Variants in OPCML observed in about 807,000 individuals in gnomAD.
OPCML encodes opioid binding protein/cell adhesion molecule like.
Under a neutral mutation model 37.8 loss-of-function variants are expected in OPCML, and 13 were observed. That is an observed-to-expected ratio of 0.34 (90% confidence interval 0.22 to 0.55). The LOEUF is 0.55. OPCML is among the 20% of genes least tolerant of loss of function. The pLI is 0.91. For synonymous variants in OPCML, 176 were observed against 168.8 expected (o/e 1.04, Z -0.33); for missense variants, 341 against 435.6 (o/e 0.78, Z 1.93).
At chr11:132,755,716 G>A (rs141972407) in intron 2 of OPCML, among the ~76,000 whole-genome samples, 3 of 152,256 alleles carry the variant, frequency 2.0e-5, no homozygotes, top group Admixed American at 6.5e-5. Flanking sequence ...CTTTGCTATA[G>A]CTCACACAGT....
chr11:132,581,887 T>G (rs1034669881), intron 3 of OPCML, among the ~76,000 whole-genome samples: 2 of 151,974 alleles, frequency 1.3e-5, no homozygotes, highest in Non-Finnish European at 2.9e-5. Context: ...CCAGGTATTC[T>G]TATGAAGACA....
At chr11:133,360,086 A>G (rs1348837276) in intron 1 of OPCML, 2 of 152,236 alleles carry the variant, frequency 1.3e-5, no homozygotes, top group Non-Finnish European at 2.9e-5. Flanking sequence ...AACATTGACA[A>G]TGTGCCAGGC....
chr11:132,824,219 C>T (rs1013025916), intron 2 of OPCML, among the ~76,000 whole-genome samples: 1 of 152,326 alleles, frequency 6.6e-6, no homozygotes, highest in South Asian at 2.1e-4. Flanking sequence ...CTCTGGCTTT[C>T]TTTCTCTCAC....
chr11:133,203,047 G>A (rs527340021), intron 1 of OPCML, among the ~76,000 whole-genome samples: 1 of 152,308 alleles, frequency 6.6e-6, no homozygotes, highest in African/African-American at 2.4e-5. Context: ...CATAGGAGGT[G>A]CTGTTATGTC....
At chr11:133,209,895 T>G (rs1401796018) in intron 1 of OPCML, among the ~76,000 whole-genome samples, 1 of 152,324 alleles carries the variant, frequency 6.6e-6, no homozygotes, top group East Asian at 1.9e-4. Flanking sequence ...ATAACTTCCA[T>G]AATGAACATG....
At chr11:133,458,749 A>G (rs564473495) in intron 1 of OPCML, among the ~76,000 whole-genome samples, 427 of 30,814 alleles carry the variant, frequency 0.014, 24 homozygotes, top group African/African-American at 0.032. Flanking sequence ...ACGTGTGTGT[A>G]TATATACACA....
rs976501000 is a variant in OPCML at position 132,635,969 on chromosome 11, C to T, written c.379+21118G>A. 1.4e-4 allele frequency among the ~76,000 whole-genome samples: 21 copies of T among 150,158 alleles called. No homozygotes were observed. The East Asian group carries it at 2.9e-3, about 21-fold the overall frequency. The stretch of plus-strand genomic sequence containing the variant: ...GATAGCTACATGTTGAAAATACTCC[C>T]CCCCGGATACAAGATGTCCATTGTT... On this transcript the variant is annotated intron_variant, in intron 3 of 7. Coordinates refer to ENST00000524381, the MANE Select transcript of OPCML (RefSeq NM_001012393.5).
At chr11:133,219,139 C>T (rs925589649) in intron 1 of OPCML, among the ~76,000 whole-genome samples, 1 of 152,150 alleles carries the variant, frequency 6.6e-6, no homozygotes, top group East Asian at 1.9e-4. Flanking sequence ...ATCTTATATG[C>T]AAGCATGACT....
At chr11:132,719,828 G>A (rs1374554243) in intron 2 of OPCML, among the ~76,000 whole-genome samples, 1 of 152,220 alleles carries the variant, frequency 6.6e-6, no homozygotes, top group Non-Finnish European at 1.5e-5. Flanking sequence ...TCTGCCAGTT[G>A]CTGCACAAAT....
At chr11:132,840,861 G>A (rs1297388922) in intron 2 of OPCML, among the ~76,000 whole-genome samples, 1 of 152,066 alleles carries the variant, frequency 6.6e-6, no homozygotes, top group Non-Finnish European at 1.5e-5. Context: ...CCACACAGCA[G>A]CGCCAGGCCA....
At position 132,679,841 on chromosome 11, in the gene OPCML, G is replaced by A. The variant is rs183704299; in HGVS notation, c.147-22522C>T. ...GTTAAAAGATATATTTGGTCTTCAG[G>A]TGATCAAAATTAATGCTATGATTAT... On this transcript the variant is annotated intron_variant, in intron 2 of 7. Transcript: ENST00000524381. Among the ~76,000 whole-genome samples, 21 of 152,302 alleles carry A rather than the reference G, an allele frequency of 1.4e-4. No individual in the cohort carries two copies. The East Asian group carries it at 3.9e-3, about 28-fold the overall frequency.
intron 3 of OPCML, among the ~76,000 whole-genome samples, chr11:132,595,555 A>C (rs542371934): frequency 6.6e-6 from 1 of 152,328 alleles, no homozygotes; most frequent in East Asian, 1.9e-4. Flanking sequence ...GCCTGTAGAC[A>C]ATCAACTACT....
intron 1 of OPCML, among the ~76,000 whole-genome samples, chr11:133,051,403 AC>A (rs902761873): frequency 9.4e-4 from 143 of 152,292 alleles, no homozygotes; most frequent in African/African-American, 3.4e-3. Context: ...CTGCACCCAG[AC>A]ATTCCAGGGC....
chr11:133,044,226 C>T (rs185580585), intron 1 of OPCML, among the ~76,000 whole-genome samples: 21 of 152,168 alleles, frequency 1.4e-4, no homozygotes, highest in Admixed American at 1.0e-3. Context: ...TGCATATCCA[C>T]GTGCATCCTT....
intron 1 of OPCML, among the ~76,000 whole-genome samples, chr11:133,278,885 G>A (rs933755981): frequency 6.6e-6 from 1 of 152,162 alleles, no homozygotes; most frequent in Non-Finnish European, 1.5e-5. Flanking sequence ...TTTTACAGAT[G>A]AGAAAACTGA....
chr11:133,374,492 G>C (rs367595327), intron 1 of OPCML, among the ~76,000 whole-genome samples: 1 of 152,158 alleles, frequency 6.6e-6, no homozygotes, highest in Non-Finnish European at 1.5e-5. Flanking sequence ...CTCATATAAA[G>C]CTTGTTTAGA....
chr11:132,932,865 AT>A (rs920824488), intron 2 of OPCML, among the ~76,000 whole-genome samples: 11 of 150,818 alleles, frequency 7.3e-5, no homozygotes, highest in Admixed American at 4.6e-4. Flanking sequence ...TCTATTCCTT[AT>A]TTTTTTTTAA....
intron 1 of OPCML, among the ~76,000 whole-genome samples, chr11:133,374,636 C>T (rs948071176): frequency 2.6e-5 from 4 of 152,186 alleles, no homozygotes; most frequent in Non-Finnish European, 2.9e-5. Context: ...TAATATCGTC[C>T]TACCCTGCTA....
intron 1 of OPCML, chr11:133,360,150 G>A (rs933622977): frequency 2.0e-5 from 3 of 152,230 alleles, no homozygotes; most frequent in South Asian, 4.1e-4. Context: ...ATCAGGATGG[G>A]TTATCCACAT....
Sources: allele counts gnomAD v4.1 joint callset (sites outside exome capture counted in the v4.1 genomes callset), GRCh38; gene constraint gnomAD v4.1.1; transcripts MANE v1.5; gene names NCBI Gene and HGNC (gene_info 2026-07-23, HGNC 2026-07-21).